TRHDE: variants seen among roughly 807,000 people sequenced by gnomAD.
TRHDE encodes the protein thyrotropin-releasing hormone-degrading ectoenzyme.
Under a neutral mutation model 125.7 loss-of-function variants are expected in TRHDE, and 72 were observed. That is an observed-to-expected ratio of 0.57 (90% CI 0.47 to 0.70). The LOEUF is 0.70. Ranked by LOEUF, TRHDE falls within the 30% of genes least tolerant of loss-of-function variation. The pLI is 0.00. For missense variants in TRHDE, 1,110 were observed against 1,327.1 expected (o/e 0.84, Z 2.54); for synonymous variants, 509 against 509.1 (o/e 1.00, Z 0.00).
chr12:72,527,586 TAA>T (rs1280881181), intron 6 of TRHDE, among the ~76,000 whole-genome samples: 22 of 135,516 alleles, frequency 1.6e-4, no homozygotes, highest in African/African-American at 1.9e-4. Context: ...TAAGAGGAGT[TAA>T]AAAAAAAAAA....
At chr12:72,306,782 A>G (rs907362635) in intron 2 of TRHDE, 1 of 152,148 alleles carries the variant, frequency 6.6e-6, no homozygotes, top group Non-Finnish European at 1.5e-5. Context: ...ACAATATATA[A>G]AATGGTGATA....
At chr12:72,365,298 CA>C (rs146215197) in intron 2 of TRHDE, among the ~76,000 whole-genome samples, 2,871 of 152,150 alleles carry the variant, frequency 0.019, 84 homozygotes, top group African/African-American at 0.066. Context: ...AAAGCTTTTT[CA>C]GGTGACTCTA....
At chr12:72,320,543 CTG>C (rs59244019) in intron 2 of TRHDE, among the ~76,000 whole-genome samples, 12,126 of 143,040 alleles carry the variant, frequency 0.085, 626 homozygotes, top group African/African-American at 0.15. Context: ...AGAGGGTTGA[CTG>C]TGTGTGTGTG....
intron 2 of TRHDE, among the ~76,000 whole-genome samples, chr12:72,150,925 G>T (rs1208521973): frequency 1.3e-5 from 2 of 152,098 alleles, no homozygotes; most frequent in Non-Finnish European, 2.9e-5. Context: ...GTAATGGGAT[G>T]GCTGGGTCAA....
At chr12:72,597,596 A>G (rs1354162536) in intron 12 of TRHDE, among the ~76,000 whole-genome samples, 1 of 145,518 alleles carries the variant, frequency 6.9e-6, no homozygotes, top group Non-Finnish European at 1.5e-5. Context: ...TGAACCTGGG[A>G]GGTGGAGATT....
In TRHDE at chr12:72,307,937, A is replaced by G. The variant is rs189393171; in HGVS notation, c.1188+20983A>G. ...CCTGTAAAAATGAAGTTTTTATTAC[A>G]AATCAGATACCTTATGGTTAAGGTA... On this transcript the variant is annotated intron_variant, in intron 2 of 18. Transcript: ENST00000261180. 3.0e-3 allele frequency among the ~76,000 whole-genome samples: 451 copies of G among 152,334 alleles called. 2 individuals are homozygous for G. The highest frequency in any genetic ancestry group is 0.01 in the African/African-American group (428 of 41,574).
intron 3 of TRHDE, among the ~76,000 whole-genome samples, chr12:72,445,107 CA>C (rs1875212941): frequency 2.0e-5 from 3 of 151,580 alleles, no homozygotes; most frequent in African/African-American, 7.3e-5. Flanking sequence ...GAAAAATACT[CA>C]ATGACCAAGA....
At chr12:72,191,586 T>G (rs1432266452) in intron 2 of TRHDE, among the ~76,000 whole-genome samples, 1 of 152,204 alleles carries the variant, frequency 6.6e-6, no homozygotes, top group East Asian at 1.9e-4. Flanking sequence ...AACCAGGGTC[T>G]TTTAACATGT....
intron 2 of TRHDE, among the ~76,000 whole-genome samples, chr12:72,188,147 A>G (rs1016895216): frequency 1.1e-4 from 16 of 152,354 alleles, no homozygotes; most frequent in African/African-American, 3.4e-4. Flanking sequence ...TATTGTTGAC[A>G]TATGAGTCAG....
chr12:72,275,915 A>G (rs1879471284), intron 1 of TRHDE, among the ~76,000 whole-genome samples: 1 of 152,186 alleles, frequency 6.6e-6, no homozygotes, highest in Admixed American at 6.5e-5. Context: ...TGAAAATCCC[A>G]GGATTGTTTT....
At chr12:72,185,432 C>T (rs1014842656) in intron 2 of TRHDE, among the ~76,000 whole-genome samples, 8 of 152,268 alleles carry the variant, frequency 5.3e-5, no homozygotes, top group Admixed American at 2.6e-4. Flanking sequence ...GGAATGCGAG[C>T]GCACGGCGCA....
chr12:72,272,396 A>C lies in TRHDE; in HGVS notation c.-248A>C. 1 of 397,114 alleles carries C rather than the reference A, an allele frequency of 2.5e-6. No individual in the cohort carries two copies. Among genetic ancestry groups the C allele is most frequent in the Non-Finnish European group, 4.8e-6 (1 of 207,950 alleles). 24.6% of individuals were successfully genotyped at this position (397,114 alleles called of 1,614,324 possible). ...AGAAGTAGCGCGCGCTGGGCAAGCA[A>C]GACGCTTTCCAAGTTGGGCGCGTCC... On this transcript the variant is annotated 5_prime_UTR_variant, in exon 1 of 19. Transcript: ENST00000261180. The surrounding 1 kb of genome is among the most constrained non-coding windows in gnomAD (Gnocchi z 6.7).
intron 2 of TRHDE, among the ~76,000 whole-genome samples, chr12:72,370,002 T>C (rs1271390770): frequency 6.6e-6 from 1 of 152,200 alleles, no homozygotes; most frequent in Non-Finnish European, 1.5e-5. Context: ...TGTGATTTCT[T>C]TTCACAGTGT....
intron 18 of TRHDE, among the ~76,000 whole-genome samples, chr12:72,661,664 A>G (rs563992606): frequency 6.6e-6 from 1 of 152,240 alleles, no homozygotes; most frequent in Admixed American, 6.5e-5. Flanking sequence ...CCCCCTTTAT[A>G]TATGTGTGTA....
rs376911370 is a variant in TRHDE, at chr12:72,302,096, T to C, written c.1188+15142T>C. ...GATGTTCGTGAAGTACGTTCATTTA[T>C]GATTCTGTTACATGTGGGAAGATGG... is the stretch of plus-strand genomic sequence containing the variant. On this transcript the variant is annotated intron_variant, in intron 2 of 18. Coordinates refer to ENST00000261180, the MANE Select transcript of TRHDE (RefSeq NM_013381.3). Among the ~76,000 whole-genome samples, 9 of 152,270 alleles carry C rather than the reference T, an allele frequency of 5.9e-5. No homozygotes were observed. The East Asian group carries it at 7.7e-4, about 13-fold the overall frequency.
At chr12:72,087,386 C>T (rs1424549218) in exon 1 of TRHDE, 1 of 152,248 alleles carries the variant, frequency 6.6e-6, no homozygotes, top group East Asian at 1.9e-4. Flanking sequence ...AAGATAAAAC[C>T]TGAAGACACA....
chr12:72,189,657 T>G (rs1315985742), intron 2 of TRHDE, among the ~76,000 whole-genome samples: 3 of 152,158 alleles, frequency 2.0e-5, no homozygotes, highest in African/African-American at 2.4e-5. Context: ...TGAAGGGATA[T>G]TCCCTCCAAA....
In TRHDE at chr12:72,272,969, G is replaced by T. The variant is rs1324548701; in HGVS notation, c.326G>T (p.Arg109Leu). ...ATGCTCGCTGTGCTGCTCAGCCTGC[G>T]CTTCGACGAGTGCGGGGCGAGTGCC... ...VTMLAVLLSL[R>L]FDECGASATP... Residue 109 changes from arginine to leucine, a missense_variant, in exon 1 of 19, where the codon CGC (arginine) becomes CTC (leucine). Transcript: ENST00000261180. The surrounding 1 kb of genome is among the most constrained non-coding windows in gnomAD (Gnocchi z 6.7). 2 of 1,564,702 alleles carry T rather than the reference G, an allele frequency of 1.3e-6. No homozygotes were observed. Among genetic ancestry groups the T allele is most frequent in the Non-Finnish European group, 1.7e-6 (2 of 1,162,170 alleles).
chr12:72,293,926 A>C (rs866961850), intron 2 of TRHDE, among the ~76,000 whole-genome samples: 1 of 152,198 alleles, frequency 6.6e-6, no homozygotes, highest in African/African-American at 2.4e-5. Context: ...GGGTCCAGCC[A>C]CGGTGCACAA....
Sources: allele counts gnomAD v4.1 joint callset (sites outside exome capture counted in the v4.1 genomes callset), GRCh38; gene constraint gnomAD v4.1.1; non-coding constraint Gnocchi (gnomAD v3.1); transcripts MANE v1.5; gene names NCBI Gene and HGNC (gene_info 2026-07-23, HGNC 2026-07-21).